TTF1: variants seen among roughly 807,000 people sequenced by gnomAD.
The protein encoded by TTF1 is transcription termination factor 1.
TTF1 carries 64 observed loss-of-function variants against 80.2 expected under a neutral mutation model. That is an observed-to-expected ratio of 0.80 (90% CI 0.65 to 0.98). The LOEUF is 0.98. TTF1 is among the 50% of genes least tolerant of loss of function. TTF1 has a pLI of 0.00. For synonymous variants in TTF1, 372 were observed against 382.7 expected, an observed-to-expected ratio of 0.97 and a Z score of 0.33; for missense variants, 1,023 against 1,086.2, an observed-to-expected ratio of 0.94 and a Z score of 0.82.
At chr9:132,395,055 G>A (rs544237443) in intron 5 of TTF1, among the ~76,000 whole-genome samples, 12 of 152,130 alleles carry the variant, frequency 7.9e-5, no homozygotes, top group East Asian at 5.8e-4. Flanking sequence ...AGCCGGGCGT[G>A]GTGGTGGGTG....
chr9:132,392,242 G>A (rs776980324), intron 5 of TTF1, 36 bp from the exon 6 acceptor site: 180 of 1,611,658 alleles, frequency 1.1e-4, no homozygotes, highest in Non-Finnish European at 1.4e-4. Flanking sequence ...AAGTTTAAAC[G>A]AACTATCAGA....
rs902771274 is a variant in TTF1, at chr9:132,390,752, C to T, written c.2067G>A (p.Met689Ile). The T allele has an allele frequency of 2.5e-6, 4 of 1,614,212 alleles. No homozygotes were observed. Among genetic ancestry groups the T allele is most frequent in the Non-Finnish European group, 3.4e-6 (4 of 1,180,042 alleles). ...CCACCTCTTTTAACTCCTGGGGAGA[C>T]ATCTTCTTCAGAATCACTTCTTCGA... ...KAVEEVILKKMSPQELKEVDS... is the reference protein window; with the variant it reads ...KAVEEVILKKISPQELKEVDS... The change falls in exon 7 of 11, where the codon ATG becomes ATA. Residue 689 changes from methionine to isoleucine, a missense_variant. By Grantham distance (10) the Met-to-Ile change is conservative (BLOSUM62 1). Coordinates refer to ENST00000334270, the MANE Select transcript of TTF1 (RefSeq NM_007344.4).
chr9:132,390,416 A>T (rs1234485083), intron 7 of TTF1, among the ~76,000 whole-genome samples, 181 bp downstream of exon 7: 5 of 152,244 alleles, frequency 3.3e-5, no homozygotes, highest in Non-Finnish European at 7.3e-5. Flanking sequence ...TCTTCAATGC[A>T]TCAGGGCTAG....
intron 9 of TTF1, among the ~76,000 whole-genome samples, chr9:132,382,619 C>T (rs117146331): frequency 0.023 from 3,514 of 152,140 alleles, 60 homozygotes; most frequent in Non-Finnish European, 0.035. Context: ...CAAAGATGGA[C>T]GATCTTCATA....
At position 132,375,859 on chromosome 9, in the gene TTF1, T is replaced by C. The variant is rs970981998; in HGVS notation, c.*56A>G. The C allele has an allele frequency of 2.6e-6, 3 of 1,151,832 alleles. No individual in the cohort carries two copies. Among genetic ancestry groups the C allele is most frequent in the Non-Finnish European group, 3.7e-6 (3 of 810,624 alleles). The allele number at this position is 1,151,832 out of a possible 1,614,324, so 71.4% of individuals were successfully genotyped here. On this transcript the variant is annotated 3_prime_UTR_variant, in exon 11 of 11. Coordinates refer to ENST00000334270, the MANE Select transcript of TTF1 (RefSeq NM_007344.4). The stretch of plus-strand genomic sequence containing the variant: ...TACCACACCCGGCTAATTTTTGCAT[T>C]TTTAATAGTGACAGGTCTTCACCAT...
At chr9:132,389,848 A>G (rs1188068368) in intron 7 of TTF1, among the ~76,000 whole-genome samples, 3 of 152,226 alleles carry the variant, frequency 2.0e-5, no homozygotes, top group Non-Finnish European at 4.4e-5. Flanking sequence ...CGCAGCCAGG[A>G]GCATGCCTAC....
At chr9:132,376,662 C>CTTTT (rs530150374) in intron 10 of TTF1, among the ~76,000 whole-genome samples, 30 of 136,598 alleles carry the variant, frequency 2.2e-4, no homozygotes, top group African/African-American at 7.6e-4. Flanking sequence ...AATCTGTATC[C>CTTTT]TTTTTTTTTT....
At chr9:132,386,707 A>G (rs1239864117) in intron 8 of TTF1, 86 bp from the exon 9 acceptor site, 8 of 1,130,496 alleles carry the variant, frequency 7.1e-6, no homozygotes, top group Non-Finnish European at 1.1e-5. Context: ...TGAGAGCTGG[A>G]AGGTATGTGC....
rs773441392 is a variant in TTF1, at chr9:132,392,174, A to G, written c.1889T>C (p.Met630Thr). 4.0e-5 allele frequency: 64 copies of G among 1,614,088 alleles called. No homozygotes were observed. The highest frequency in any genetic ancestry group is 3.9e-5 in the Non-Finnish European group (46 of 1,180,048). ...YSEGDTEKLK[M>T]YHSLLGNDWK... ...GTCATTCCCAAGGAGAGAATGGTAC[A>G]TCTTTAACTTCTCAGTATCTCCTTC... is the stretch of plus-strand genomic sequence containing the variant. Residue 630 changes from methionine (M) to threonine (T), a missense_variant, in exon 6 of 11, where the codon ATG becomes ACG. Coordinates refer to ENST00000334270, the MANE Select transcript of TTF1 (RefSeq NM_007344.4).
At position 132,380,822 on chromosome 9, in the gene TTF1, T is replaced by A. The variant is rs768541460; in HGVS notation, c.2379-1678A>T. Among the ~76,000 whole-genome samples, 18 of 152,346 alleles carry A rather than the reference T, an allele frequency of 1.2e-4. No individual in the cohort carries two copies. In the South Asian group the frequency reaches 2.5e-3, roughly 21 times the overall value. On this transcript the variant is annotated intron_variant, in intron 9 of 10. Transcript: ENST00000334270. ...TTGACTAGATGCCATAATCTCTATCTTAGAGTTTTGAGATTCGTAAATCTG... is the reference window on the plus strand; with the variant it reads ...TTGACTAGATGCCATAATCTCTATCATAGAGTTTTGAGATTCGTAAATCTG...
chr9:132,391,607 G>A (rs1849559780), intron 6 of TTF1, among the ~76,000 whole-genome samples: 1 of 152,142 alleles, frequency 6.6e-6, no homozygotes, highest in Admixed American at 6.5e-5. Context: ...GTGAGCCCCT[G>A]TGCTAAACAG....
chr9:132,401,489 A>G lies in TTF1; in HGVS notation c.1333T>C (p.Cys445Arg), dbSNP rs750339886. Residue 445 changes from cysteine to arginine, a missense_variant, in exon 2 of 11, where the codon TGT (cysteine) becomes CGT (arginine). Transcript: ENST00000334270. ...SRPRQKKTQA[C>R]LASKHVQEAP... The stretch of plus-strand genomic sequence containing the variant: ...TCTTGCACGTGCTTGCTTGCCAAAC[A>G]GGCCTGGGTTTTCTTTTGTCGGGGC... 1 of 1,612,802 alleles carries G rather than the reference A, an allele frequency of 6.2e-7. No homozygotes were observed. The highest frequency in any genetic ancestry group is 2.2e-5 in the East Asian group (1 of 44,864).
At chr9:132,392,909 TATC>T (rs1231645983) in intron 5 of TTF1, among the ~76,000 whole-genome samples, 18 of 152,246 alleles carry the variant, frequency 1.2e-4, no homozygotes, top group Non-Finnish European at 2.2e-4. Flanking sequence ...ACGTCATCAG[TATC>T]AAAAAATATC....
At position 132,375,595 on chromosome 9, in the gene TTF1, G is replaced by T; in HGVS notation, c.*320C>A. ...AATAGGAATGGCAATATATTTTAATGCTCCAGAGGAAAGAGTAGAACTCTG... is the reference window on the plus strand; with the variant it reads ...AATAGGAATGGCAATATATTTTAATTCTCCAGAGGAAAGAGTAGAACTCTG... On this transcript the variant is annotated 3_prime_UTR_variant, in exon 11 of 11. Transcript: ENST00000334270. 1 of 184,968 alleles carries T rather than the reference G, an allele frequency of 5.4e-6. No individual in the cohort carries two copies. Among genetic ancestry groups the T allele is most frequent in the Non-Finnish European group, 1.1e-5 (1 of 87,392 alleles). 11.5% of individuals were successfully genotyped at this position (184,968 alleles called of 1,614,324 possible). A position where few individuals can be genotyped will look rare whatever the true frequency, so the allele number is the denominator to read the frequency against.
intron 1 of TTF1, among the ~76,000 whole-genome samples, chr9:132,403,862 T>C (rs539130245): frequency 2.0e-5 from 3 of 152,224 alleles, no homozygotes; most frequent in African/African-American, 4.8e-5. Flanking sequence ...GTGAAAGAAG[T>C]TGGATATGCC....
At chr9:132,377,222 A>G (rs1251071038) in intron 10 of TTF1, among the ~76,000 whole-genome samples, 1 of 124,762 alleles carries the variant, frequency 8.0e-6, no homozygotes, top group African/African-American at 3.2e-5. Flanking sequence ...ATGTGGTGTG[A>G]GTGCATGTGG....
intron 10 of TTF1, among the ~76,000 whole-genome samples, chr9:132,377,285 G>A (rs1216691841): frequency 7.0e-6 from 1 of 141,950 alleles, no homozygotes; most frequent in Non-Finnish European, 1.5e-5. Context: ...AGTGCATGTG[G>A]TGCATGTGAA....
intron 9 of TTF1, 143 bp downstream of exon 9, chr9:132,386,413 C>A: frequency 1.3e-6 from 1 of 751,166 alleles, no homozygotes; most frequent in Non-Finnish European, 2.2e-6. Context: ...GGTTTCCTAG[C>A]AAATACACTG....
At chr9:132,376,973 C>T (rs1255186476) in intron 10 of TTF1, among the ~76,000 whole-genome samples, 1 of 152,090 alleles carries the variant, frequency 6.6e-6, no homozygotes, top group African/African-American at 2.4e-5. Context: ...CTGCATCTGG[C>T]CAGAAATTTG....
Sources: gnomAD v4.1 joint callset for allele counts (sites outside exome capture counted in the v4.1 genomes callset) on GRCh38, gnomAD v4.1.1 for gene constraint, MANE v1.5 for transcripts, NCBI Gene and HGNC (gene_info 2026-07-23, HGNC 2026-07-21) for gene names.